The following ULK4 variants were observed in gnomAD, a reference collection of about 807,000 sequenced individuals.
The protein encoded by ULK4 is inactive serine/threonine-protein kinase ULK4.
In ULK4, 133 loss-of-function variants were observed where a neutral mutation model predicts 160.6. The observed-to-expected ratio is 0.83, with a 90% CI of 0.72 to 0.96. The LOEUF is 0.96. Among genes scored for constraint, ULK4 ranks in the 40% least tolerant of loss-of-function variants. The pLI is 0.00. For missense variants in ULK4, 1,580 were observed against 1,499.5 expected, an observed-to-expected ratio of 1.05 and a Z score of -0.89; for synonymous variants, 534 against 539.8, an observed-to-expected ratio of 0.99 and a Z score of 0.15.
chr3:41,869,708 A>T (rs1697023534), intron 17 of ULK4, among the ~76,000 whole-genome samples: 1 of 152,114 alleles, frequency 6.6e-6, no homozygotes, highest in Admixed American at 6.5e-5. Context: ...GCTGTCATAT[A>T]TTTTGCTTCT....
At chr3:41,357,578 A>T (rs1488440709) in intron 35 of ULK4, among the ~76,000 whole-genome samples, 2 of 152,150 alleles carry the variant, frequency 1.3e-5, no homozygotes, top group Non-Finnish European at 2.9e-5. Context: ...GATCCTTGGC[A>T]CTGGAGACTG....
intron 20 of ULK4, among the ~76,000 whole-genome samples, chr3:41,798,207 G>A (rs1284598892): frequency 6.6e-6 from 1 of 152,116 alleles, no homozygotes. Flanking sequence ...ACCATGCTGA[G>A]TATAAGGATG....
At chr3:41,591,542 T>G (rs1162071917) in intron 31 of ULK4, among the ~76,000 whole-genome samples, 2 of 151,678 alleles carry the variant, frequency 1.3e-5, no homozygotes. Context: ...TTAAGAAAGT[T>G]AACGAATTTG....
intron 29 of ULK4, among the ~76,000 whole-genome samples, chr3:41,671,916 C>T (rs1425348225): frequency 6.6e-6 from 1 of 151,870 alleles, no homozygotes; most frequent in Non-Finnish European, 1.5e-5. Context: ...TAAAAGTGGG[C>T]AAAGGATATA....
At chr3:41,692,621 A>C (rs2036343611) in intron 27 of ULK4, among the ~76,000 whole-genome samples, 1 of 151,992 alleles carries the variant, frequency 6.6e-6, no homozygotes, top group East Asian at 1.9e-4. Context: ...AGTGATCTCT[A>C]TTATAAAATT....
At chr3:41,519,662 C>T (rs937654568) in intron 32 of ULK4, among the ~76,000 whole-genome samples, 3 of 152,050 alleles carry the variant, frequency 2.0e-5, no homozygotes, top group African/African-American at 7.3e-5. Context: ...AGACACAGTG[C>T]GCACACGAAT....
intron 17 of ULK4, among the ~76,000 whole-genome samples, chr3:41,859,806 C>A (rs1411290646): frequency 1.3e-5 from 2 of 150,958 alleles, no homozygotes; most frequent in Non-Finnish European, 3.0e-5. Context: ...TACAGGTGCA[C>A]GCCACCATGC....
At chr3:41,279,295 A>T (rs1290579043) in intron 35 of ULK4, among the ~76,000 whole-genome samples, 1 of 151,486 alleles carries the variant, frequency 6.6e-6, no homozygotes, top group Non-Finnish European at 1.5e-5. Context: ...AAAGCCTCCA[A>T]GAAATATGAG....
At chr3:41,692,808 G>A (rs2036354451) in intron 27 of ULK4, among the ~76,000 whole-genome samples, 1 of 152,146 alleles carries the variant, frequency 6.6e-6, no homozygotes. Context: ...AAATTCCTAA[G>A]TCTGGTGACT....
chr3:41,786,193 T>G lies in ULK4; in HGVS notation c.2193+3468A>C, dbSNP rs190618199. On this transcript the variant is annotated intron_variant, in intron 21 of 36. Transcript: ENST00000301831. ...CGTTTTGTTTATTATCAGCCCCTCC[T>G]GTTAGGGCATAAGCACTTATATCTA... Among the ~76,000 whole-genome samples the G allele has an allele frequency of 1.3e-4, 20 of 152,294 alleles. No individual in the cohort carries two copies. In the East Asian group the frequency reaches 3.7e-3, roughly 28 times the overall value.
At chr3:41,929,233 C>CA (rs1197416491) in intron 5 of ULK4, among the ~76,000 whole-genome samples, 7 of 151,992 alleles carry the variant, frequency 4.6e-5, no homozygotes, top group African/African-American at 9.7e-5. Flanking sequence ...AAACCAATGA[C>CA]AAAAAACCAC....
chr3:41,408,632 G>T (rs373414651), intron 34 of ULK4, among the ~76,000 whole-genome samples: 1 of 151,966 alleles, frequency 6.6e-6, no homozygotes, highest in African/African-American at 2.4e-5. Context: ...ATATGGAAAT[G>T]CCAGGAACCA....
intron 35 of ULK4, among the ~76,000 whole-genome samples, chr3:41,365,948 T>G (rs1237768110): frequency 6.6e-6 from 1 of 152,188 alleles, no homozygotes; most frequent in Non-Finnish European, 1.5e-5. Flanking sequence ...AGTTAATTGT[T>G]CAAAAACCAT....
intron 11 of ULK4, among the ~76,000 whole-genome samples, chr3:41,908,152 C>A (rs1698646110): frequency 6.6e-6 from 1 of 152,030 alleles, no homozygotes; most frequent in Admixed American, 6.6e-5. Flanking sequence ...TTTATTTATA[C>A]AGTATTTTCC....
At chr3:41,947,290 G>A (rs187015730) in intron 2 of ULK4, among the ~76,000 whole-genome samples, 9 of 152,278 alleles carry the variant, frequency 5.9e-5, no homozygotes, top group Middle Eastern at 6.8e-3. Context: ...CAGCCCGGGC[G>A]ACAGAGCGAG....
intron 21 of ULK4, among the ~76,000 whole-genome samples, chr3:41,763,829 G>C (rs1356787008): frequency 6.6e-6 from 1 of 152,174 alleles, no homozygotes; most frequent in Non-Finnish European, 1.5e-5. Context: ...ATATATGAAA[G>C]CTTCAGTTGT....
chr3:41,296,956 G>A (rs1431659570), intron 35 of ULK4, among the ~76,000 whole-genome samples: 1 of 152,168 alleles, frequency 6.6e-6, no homozygotes, highest in East Asian at 1.9e-4. Flanking sequence ...ATCATGTTGA[G>A]GAAATGGAAA....
At chr3:41,893,909 A>G (rs1008076921) in intron 16 of ULK4, among the ~76,000 whole-genome samples, 4 of 152,184 alleles carry the variant, frequency 2.6e-5, no homozygotes, top group Non-Finnish European at 5.9e-5. Flanking sequence ...CTGTCAAGGT[A>G]ATATAACCTG....
At chr3:41,261,795 T>C (rs1314325691) in intron 35 of ULK4, among the ~76,000 whole-genome samples, 4 of 152,278 alleles carry the variant, frequency 2.6e-5, no homozygotes, top group African/African-American at 7.2e-5. Context: ...CTGTTCCTGA[T>C]ATGGAGAGCA....
Sources: gnomAD v4.1 joint callset for allele counts (sites outside exome capture counted in the v4.1 genomes callset) on GRCh38, gnomAD v4.1.1 for gene constraint, MANE v1.5 for transcripts, NCBI Gene and HGNC (gene_info 2026-07-23, HGNC 2026-07-21) for gene names.